PDLIM5: variants seen among roughly 807,000 people sequenced by gnomAD.
PDLIM5 encodes PDZ and LIM domain 5.
PDLIM5 carries 34 observed loss-of-function variants against 64.2 expected under a neutral mutation model. The ratio of observed to expected loss-of-function variants is 0.53; its 90% CI spans 0.40 to 0.71. PDLIM5 has a LOEUF of 0.71. Ranked by LOEUF, PDLIM5 falls within the 30% of genes least tolerant of loss-of-function variation. PDLIM5 has a pLI of 0.00. For synonymous variants in PDLIM5, 253 were observed against 269.1 expected, an observed-to-expected ratio of 0.94 and a Z score of 0.59; for missense variants, 683 against 733.6, an observed-to-expected ratio of 0.93 and a Z score of 0.80.
chr4:94,660,618 A>G (rs1219530034), intron 11 of PDLIM5, among the ~76,000 whole-genome samples: 2 of 152,180 alleles, frequency 1.3e-5, no homozygotes, highest in African/African-American at 4.8e-5. Flanking sequence ...AAGCAACCTC[A>G]ACTGTCTTCT....
At position 94,471,608 on chromosome 4, in the gene PDLIM5, C is replaced by T. The variant is rs77459950; in HGVS notation, c.96+16224C>T. ...CTGTTGATTGTAGTTATTACAAGTG[C>T]CAGCCCTGGAACAGAATGCCTGTGT... On this transcript the variant is annotated intron_variant, in intron 2 of 12. Transcript: ENST00000317968. Among the ~76,000 whole-genome samples the T allele has an allele frequency of 1.8e-3, 273 of 152,154 alleles. 2 individuals carry two copies. Among genetic ancestry groups the T allele is most frequent in the African/African-American group, 6.3e-3 (260 of 41,492 alleles).
In PDLIM5 at chr4:94,663,774, A is replaced by G. The variant is rs142456165; in HGVS notation, c.1702-204A>G. 2.9e-3 allele frequency among the ~76,000 whole-genome samples: 441 copies of G among 152,342 alleles called. 2 individuals carry two copies. The highest frequency in any genetic ancestry group is 4.5e-3 in the Non-Finnish European group (309 of 68,036). On this transcript the variant is annotated intron_variant, in intron 12 of 12. Coordinates refer to ENST00000317968, the MANE Select transcript of PDLIM5 (RefSeq NM_006457.5). ...TATAAATTAGAATACATTCTAGGAA[A>G]AAGCAATTTTTCATTGCTTTTGAAA...
At chr4:94,591,011 C>A (rs946282491) in intron 7 of PDLIM5, among the ~76,000 whole-genome samples, 2 of 151,996 alleles carry the variant, frequency 1.3e-5, no homozygotes, top group Admixed American at 1.3e-4. Context: ...AAAAGAGAGG[C>A]ATAAATATAT....
Position 94,664,590 on chromosome 4 carries a change from C to G in PDLIM5, c.*523C>G, listed in dbSNP as rs56746297. 3.5e-3 allele frequency: 2,952 copies of G among 846,788 alleles called. 70 individuals carry two copies. The African/African-American group carries it at 0.05, about 14-fold the overall frequency. The allele number at this position is 846,788 out of a possible 1,614,324, so 52.5% of individuals were successfully genotyped here. On this transcript the variant is annotated 3_prime_UTR_variant, in exon 13 of 13. Transcript: ENST00000317968. ...CAGTTTTTAAAAAATTGCTTGTAGG[C>G]TGAGCGCGGTGGCTCACGCCTGTAA...
At chr4:94,461,462 G>T (rs1235966998) in intron 2 of PDLIM5, among the ~76,000 whole-genome samples, 7 of 151,754 alleles carry the variant, frequency 4.6e-5, no homozygotes, top group Admixed American at 3.9e-4. Flanking sequence ...AGGCAGGTTT[G>T]GTTCCTTAAT....
intron 2 of PDLIM5, among the ~76,000 whole-genome samples, chr4:94,480,393 G>A (rs1291881055): frequency 6.6e-6 from 1 of 152,186 alleles, no homozygotes; most frequent in African/African-American, 2.4e-5. Flanking sequence ...GGTAAAATCG[G>A]TTTTGGTAGA....
At chr4:94,571,972 A>G (rs904655027) in intron 3 of PDLIM5, among the ~76,000 whole-genome samples, 1 of 152,208 alleles carries the variant, frequency 6.6e-6, no homozygotes, top group African/African-American at 2.4e-5. Context: ...GCTACCTCTC[A>G]TTAGGTTAGC....
intron 3 of PDLIM5, among the ~76,000 whole-genome samples, chr4:94,561,503 C>T (rs1036764492): frequency 2.2e-4 from 33 of 152,112 alleles, no homozygotes; most frequent in Non-Finnish European, 7.4e-5. Context: ...CGTGCTTTTT[C>T]GTTTATCGTA....
chr4:94,489,609 A>G (rs1726674189), intron 2 of PDLIM5, among the ~76,000 whole-genome samples: 1 of 151,948 alleles, frequency 6.6e-6, no homozygotes, highest in Admixed American at 6.6e-5. Context: ...TATTTATACA[A>G]TATTAAAACA....
chr4:94,511,385 G>A (rs368388137), intron 2 of PDLIM5, among the ~76,000 whole-genome samples: 17 of 151,958 alleles, frequency 1.1e-4, no homozygotes, highest in East Asian at 9.7e-4. Flanking sequence ...AGATGTTTTC[G>A]TACAGGCATG....
chr4:94,466,011 G>A (rs1168321968), intron 2 of PDLIM5, among the ~76,000 whole-genome samples: 1 of 151,746 alleles, frequency 6.6e-6, no homozygotes, highest in Non-Finnish European at 1.5e-5. Flanking sequence ...GCATGGGCTG[G>A]AGTGCAGTGG....
chr4:94,666,063 A>G lies in PDLIM5; in HGVS notation c.*1996A>G. On this transcript the variant is annotated 3_prime_UTR_variant, in exon 13 of 13. Transcript: ENST00000317968. ...CCATGAACCTCCTAAGTTATAATTT[A>G]AATTTGTTTGGGGCAAGGTGATTTT... The G allele has an allele frequency of 6.6e-7, 1 of 1,525,248 alleles. No individual in the cohort carries two copies. The highest frequency in any genetic ancestry group is 1.2e-5 in the South Asian group (1 of 83,440). The allele number at this position is 1,525,248 out of a possible 1,614,324, so 94.5% of individuals were successfully genotyped here.
At position 94,575,962 on chromosome 4, in the gene PDLIM5, G is replaced by C; in HGVS notation, c.638G>C (p.Cys213Ser). 2 of 1,614,192 alleles carry C rather than the reference G, an allele frequency of 1.2e-6. No homozygotes were observed. The highest frequency in any genetic ancestry group is 1.7e-6 in the Non-Finnish European group (2 of 1,180,032). ...VPRQPTVTSV[C>S]SETSQELAEG... ...CGGCAGCCCACAGTCACCAGCGTGTGTTCCGAGACTTCTCAGGAGCTAGCA... is the reference window on the plus strand; with the variant it reads ...CGGCAGCCCACAGTCACCAGCGTGTCTTCCGAGACTTCTCAGGAGCTAGCA... The change falls in exon 5 of 13, where the codon TGT (cysteine) becomes TCT (serine). Residue 213 changes from cysteine to serine, a missense_variant. Coordinates refer to ENST00000317968, the MANE Select transcript of PDLIM5 (RefSeq NM_006457.5).
chr4:94,586,272 A>C (rs1255487328), intron 6 of PDLIM5, 136 bp from the exon 7 acceptor site: 1 of 584,512 alleles, frequency 1.7e-6, no homozygotes, highest in African/African-American at 1.9e-5. Flanking sequence ...ATGGCCAATA[A>C]CAGGCTACTA....
intron 5 of PDLIM5, chr4:94,579,299 A>C: frequency 6.5e-6 from 2 of 307,544 alleles, no homozygotes; most frequent in Non-Finnish European, 1.2e-5. Flanking sequence ...TTTTGCATCA[A>C]GTAGTTTAAG....
chr4:94,568,735 C>A (rs1261886503), intron 3 of PDLIM5, among the ~76,000 whole-genome samples: 1 of 151,940 alleles, frequency 6.6e-6, no homozygotes, highest in Non-Finnish European at 1.5e-5. Flanking sequence ...TGAAATTTTG[C>A]ACATAATTTG....
chr4:94,542,099 G>A (rs1332387166), intron 3 of PDLIM5, among the ~76,000 whole-genome samples: 4 of 152,092 alleles, frequency 2.6e-5, no homozygotes, highest in African/African-American at 9.7e-5. Flanking sequence ...ATCACCTGAG[G>A]TCAGGAGTTT....
At chr4:94,592,858 T>C (rs1736774983) in intron 7 of PDLIM5, among the ~76,000 whole-genome samples, 1 of 152,122 alleles carries the variant, frequency 6.6e-6, no homozygotes, top group South Asian at 2.1e-4. Context: ...GCAATCTGCC[T>C]GCCTCAGCCT....
chr4:94,551,966 G>A (rs1732849925), intron 3 of PDLIM5, among the ~76,000 whole-genome samples: 1 of 152,058 alleles, frequency 6.6e-6, no homozygotes, highest in Non-Finnish European at 1.5e-5. Context: ...TATGAGGAAC[G>A]GATTATTAGG....
Sources: allele counts gnomAD v4.1 joint callset (sites outside exome capture counted in the v4.1 genomes callset), GRCh38; gene constraint gnomAD v4.1.1; transcripts MANE v1.5; gene names NCBI Gene and HGNC (gene_info 2026-07-23, HGNC 2026-07-21).